AFF1: variants seen among roughly 807,000 people sequenced by gnomAD.
The protein encoded by AFF1 is AF4/FMR2 family member 1.
Under a neutral mutation model 121.7 loss-of-function variants are expected in AFF1, and 48 were observed. The observed-to-expected ratio is 0.39, with a 90% CI of 0.31 to 0.50. AFF1 has a LOEUF of 0.50. Among genes scored for constraint, AFF1 ranks in the 20% least tolerant of loss-of-function variants. The pLI, the probability that AFF1 is intolerant of heterozygous loss-of-function variation, is 0.76. For missense variants in AFF1, 1,523 were observed against 1,511.7 expected (o/e 1.01, Z -0.12); for synonymous variants, 613 against 563.0 (o/e 1.09, Z -1.26).
At chr4:86,957,583 C>G (rs917289467) in intron 2 of AFF1, among the ~76,000 whole-genome samples, 2 of 152,078 alleles carry the variant, frequency 1.3e-5, no homozygotes, top group African/African-American at 4.8e-5. Context: ...CACTCTGTTG[C>G]CCAGGCTGGA....
At chr4:87,072,845 T>G (rs1722232549) in intron 4 of AFF1, among the ~76,000 whole-genome samples, 1 of 152,194 alleles carries the variant, frequency 6.6e-6, no homozygotes, top group African/African-American at 2.4e-5. Context: ...TGTGTTTATT[T>G]AAAAAGAAAT....
chr4:87,023,753 T>C lies in AFF1; in HGVS notation c.39-22413T>C, dbSNP rs977926833. Reference sequence around the variant, plus strand: ...AAATGTCCAACATTTGGAATAATAATGGCAAACGGTGCAATCACTGAAATA... The same window carrying C: ...AAATGTCCAACATTTGGAATAATAACGGCAAACGGTGCAATCACTGAAATA... On this transcript the variant is annotated intron_variant, in intron 2 of 20. Transcript: ENST00000395146. Among the ~76,000 whole-genome samples the C allele has an allele frequency of 3.3e-5, 5 of 152,250 alleles. No individual in the cohort carries two copies. The South Asian group carries it at 6.2e-4, about 19-fold the overall frequency.
In AFF1 at chr4:86,980,954, C is replaced by A. The variant is rs568225936; in HGVS notation, c.38+32383C>A. Among the ~76,000 whole-genome samples, 40 of 137,050 alleles carry A rather than the reference C, an allele frequency of 2.9e-4. 3 individuals carry two copies. The highest frequency in any genetic ancestry group is 9.8e-4 in the Admixed American group (13 of 13,302). 89.9% of individuals were successfully genotyped at this position (137,050 alleles called of 152,430 possible). ...CTTTGCGAGGCTTGAGGCACCCCCCCCCTCCACCAAAAAAAAGGAAAGTAA... is the reference window on the plus strand; with the variant it reads ...CTTTGCGAGGCTTGAGGCACCCCCCACCTCCACCAAAAAAAAGGAAAGTAA... On this transcript the variant is annotated intron_variant, in intron 2 of 20. Transcript: ENST00000395146.
At chr4:87,048,913 G>A (rs1236080402) in intron 4 of AFF1, among the ~76,000 whole-genome samples, 3 of 152,104 alleles carry the variant, frequency 2.0e-5, no homozygotes, top group East Asian at 3.8e-4. Context: ...TGAACATTTT[G>A]TGCTGTGATG....
At chr4:87,116,064 G>A (rs1727090125) in intron 12 of AFF1, among the ~76,000 whole-genome samples, 2 of 152,106 alleles carry the variant, frequency 1.3e-5, no homozygotes, top group South Asian at 4.1e-4. Flanking sequence ...TCTCATAGTA[G>A]GATCTTTTAT....
At chr4:86,995,363 C>T (rs1725059469) in intron 2 of AFF1, among the ~76,000 whole-genome samples, 1 of 146,764 alleles carries the variant, frequency 6.8e-6, no homozygotes, top group African/African-American at 2.5e-5. Context: ...TGATGCCGAG[C>T]CGAAGCTGGA....
At chr4:87,025,311 A>C (rs954499267) in intron 2 of AFF1, among the ~76,000 whole-genome samples, 1 of 152,222 alleles carries the variant, frequency 6.6e-6, no homozygotes, top group African/African-American at 2.4e-5. Flanking sequence ...TAATTATTAC[A>C]ACAGCCCAAA....
intron 1 of AFF1, chr4:86,936,191 C>T (rs1445822748): frequency 2.6e-5 from 4 of 152,314 alleles, no homozygotes; most frequent in East Asian, 1.9e-4. Flanking sequence ...GGGGGAAAGG[C>T]CTTGCAGCCA....
In AFF1 at chr4:87,127,166, T is replaced by TC. The variant is rs367995603; in HGVS notation, c.2903+58dup. ...TTGCTCTGTTTTGTTTTGTTTTGCT[T>TC]CCCCCCCCCACCAAGATAGAGTCTC... is the stretch of plus-strand genomic sequence containing the variant. On this transcript the variant is annotated intron_variant, in intron 15 of 20. Coordinates refer to ENST00000395146, the MANE Select transcript of AFF1 (RefSeq NM_001166693.3). 1,667 of 1,085,394 alleles carry TC rather than the reference T, an allele frequency of 1.5e-3. 20 individuals carry two copies. The highest frequency in any genetic ancestry group is 6.7e-3 in the African/African-American group (363 of 54,380). The allele number at this position is 1,085,394 out of a possible 1,614,324, so 67.2% of individuals were successfully genotyped here. A position where few individuals can be genotyped will look rare whatever the true frequency, so the allele number is the denominator to read the frequency against.
chr4:87,001,036 G>A (rs931085085), intron 2 of AFF1, among the ~76,000 whole-genome samples: 5 of 151,936 alleles, frequency 3.3e-5, no homozygotes, highest in African/African-American at 1.2e-4. Context: ...CCGCAGGCTT[G>A]TTACCTGGAT....
chr4:87,134,727 G>A (rs772730291), intron 20 of AFF1, 33 bp downstream of exon 20: 5 of 1,548,862 alleles, frequency 3.2e-6, no homozygotes, highest in Admixed American at 3.4e-5. Flanking sequence ...GTAATTACTG[G>A]GGTGTTTGGA....
At position 87,125,394 on chromosome 4, in the gene AFF1, AT is replaced by A. The variant is rs534694401; in HGVS notation, c.2573+261del. ...ATGGACAATTTCTTTAGACATCTGG[AT>A]TTTTTTTTTCCCTGAGGGAAAGTAA... is the stretch of plus-strand genomic sequence containing the variant. On this transcript the variant is annotated intron_variant, in intron 13 of 20. Transcript: ENST00000395146. The A allele has an allele frequency of 5.2e-3, 1,500 of 289,344 alleles. 2 individuals are homozygous for A. Among genetic ancestry groups the A allele is most frequent in the East Asian group, 0.016 (279 of 17,270 alleles). 17.9% of individuals were successfully genotyped at this position (289,344 alleles called of 1,614,324 possible). A position where few individuals can be genotyped will look rare whatever the true frequency, so the allele number is the denominator to read the frequency against.
intron 4 of AFF1, among the ~76,000 whole-genome samples, chr4:87,059,057 C>G (rs1720457094): frequency 6.6e-6 from 1 of 152,210 alleles, no homozygotes; most frequent in Non-Finnish European, 1.5e-5. Flanking sequence ...GCTGTTCCCA[C>G]TCCTCCTCCA....
intron 7 of AFF1, among the ~76,000 whole-genome samples, chr4:87,093,254 A>T (rs1345701335): frequency 6.6e-6 from 1 of 151,974 alleles, no homozygotes; most frequent in African/African-American, 2.4e-5. Context: ...CCAGCTGCTT[A>T]CCCCCACATC....
intron 2 of AFF1, among the ~76,000 whole-genome samples, chr4:86,962,247 A>AT (rs1722207758): frequency 6.7e-6 from 1 of 148,812 alleles, no homozygotes; most frequent in East Asian, 2.0e-4. Context: ...CTGCCACTAA[A>AT]TTTTCACCTG....
intron 11 of AFF1, among the ~76,000 whole-genome samples, chr4:87,110,166 CTTTTT>C (rs918472119): frequency 1.3e-5 from 2 of 150,926 alleles, no homozygotes; most frequent in South Asian, 2.1e-4. Flanking sequence ...TTTCTCACTC[CTTTTT>C]TTTATTTTTT....
At position 86,952,949 on chromosome 4, in the gene AFF1, CTCCACCCCCACTA is replaced by C. The variant is rs1370697164; in HGVS notation, c.38+4379_38+4391del. 2.1e-3 allele frequency among the ~76,000 whole-genome samples: 297 copies of C among 143,300 alleles called. 1 individual carries two copies. Among genetic ancestry groups the C allele is most frequent in the African/African-American group, 7.3e-3 (284 of 39,126 alleles). The allele number at this position is 143,300 out of a possible 152,430, so 94.0% of individuals were successfully genotyped here. On this transcript the variant is annotated intron_variant, in intron 2 of 20. Coordinates refer to ENST00000395146, the MANE Select transcript of AFF1 (RefSeq NM_001166693.3). ...CTCAAACTCCTGACCTTGTGTTCCC[CTCCACCCCCACTA>C]CCCACCCCCACCTTCAGCCTCCCAA...
chr4:87,067,385 T>C (rs867074482), intron 4 of AFF1, among the ~76,000 whole-genome samples: 70 of 152,342 alleles, frequency 4.6e-4, no homozygotes, highest in African/African-American at 1.7e-3. Flanking sequence ...TTTTGAGAAT[T>C]CCTGTTTGCA....
At chr4:87,049,707 A>C (rs757183025) in intron 4 of AFF1, 14 of 456,052 alleles carry the variant, frequency 3.1e-5, no homozygotes, top group South Asian at 2.2e-4. Context: ...CCGAGTTCTC[A>C]TGCCAGGCAG....
Sources: gnomAD v4.1 joint callset for allele counts (sites outside exome capture counted in the v4.1 genomes callset) on GRCh38, gnomAD v4.1.1 for gene constraint, MANE v1.5 for transcripts, NCBI Gene and HGNC (gene_info 2026-07-23, HGNC 2026-07-21) for gene names.